Variants in PRL observed in about 807,000 individuals in gnomAD.
The protein encoded by PRL is prolactin.
PRL carries 24 observed loss-of-function variants against 21.3 expected under a neutral mutation model. The ratio of observed to expected loss-of-function variants is 1.13; its 90% confidence interval spans 0.82 to 1.59. PRL has a LOEUF of 1.59. Ranked by LOEUF, PRL falls within the 40% of genes most tolerant of loss-of-function variation. PRL has a pLI of 0.00. For missense variants in PRL, 243 were observed against 286.9 expected, an observed-to-expected ratio of 0.85 and a Z score of 1.10; for synonymous variants, 118 against 115.7, an observed-to-expected ratio of 1.02 and a Z score of -0.13.
chr6:22,301,306 A>C (rs941296365), upstream of PRL, among the ~76,000 whole-genome samples: 2 of 152,178 alleles, frequency 1.3e-5, no homozygotes, highest in African/African-American at 4.8e-5. Context: ...GATAATTTTA[A>C]ATTTTATAAT....
At position 22,292,587 on chromosome 6, in the gene PRL, G is replaced by T; in HGVS notation, c.263C>A (p.Thr88Asn). 1 of 1,614,132 alleles carries T rather than the reference G, an allele frequency of 6.2e-7. No individual in the cohort carries two copies. Among genetic ancestry groups the T allele is most frequent in the Non-Finnish European group, 8.5e-7 (1 of 1,180,022 alleles). Residue 88 changes from threonine (T) to asparagine (N), a missense_variant, in exon 3 of 5, where the codon ACT becomes AAT. Physicochemically the swap from Thr to Asn is moderately conservative, Grantham distance 65. Transcript: ENST00000306482. ...FITKAINSCHTSSLATPEDKE... is the reference protein window; with the variant it reads ...FITKAINSCHNSSLATPEDKE... ...GTCTTCGGGGGTGGCAAGGGAAGAAGTGTGGCAGCTGTTGATGGCCTTGGT... is the reference window on the plus strand; with the variant it reads ...GTCTTCGGGGGTGGCAAGGGAAGAATTGTGGCAGCTGTTGATGGCCTTGGT...
rs1406368936 is a variant in PRL at position 22,288,168 on chromosome 6, C to T, written c.493-575G>A. The stretch of plus-strand genomic sequence containing the variant: ...TACATAGTCAGGAGATTTTCATTTC[C>T]TCAAATTTCTAGGGGAAACAATTGC... On this transcript the variant is annotated intron_variant, in intron 4 of 4. Transcript: ENST00000306482. This position sits in a 1 kb window ranked among gnomAD's most constrained non-coding sequence, Gnocchi z 4.5. Among the ~76,000 whole-genome samples the T allele has an allele frequency of 1.3e-5, 2 of 152,088 alleles. No homozygotes were observed. Among genetic ancestry groups the T allele is most frequent in the Non-Finnish European group, 2.9e-5 (2 of 68,022 alleles).
chr6:22,293,634 G>A lies in PRL; in HGVS notation c.204+775C>T, dbSNP rs1209421162. Reference sequence around the variant, plus strand: ...AGGGAGGAGGGAAGGAGGGAAGGAAGGAAGGAAGGAAGGAAGGAAGGAAGG... The same window carrying A: ...AGGGAGGAGGGAAGGAGGGAAGGAAAGAAGGAAGGAAGGAAGGAAGGAAGG... On this transcript the variant is annotated intron_variant, in intron 2 of 4. Transcript: ENST00000306482. Among the ~76,000 whole-genome samples, 53 of 46,834 alleles carry A rather than the reference G, an allele frequency of 1.1e-3. 1 individual carries two copies. The East Asian group carries it at 0.022, about 19-fold the overall frequency. The allele number at this position is 46,834 out of a possible 152,430, so 30.7% of individuals were successfully genotyped here.
chr6:22,293,687 AAAG>A (rs1561755534), intron 2 of PRL, among the ~76,000 whole-genome samples: 1 of 95,846 alleles, frequency 1.0e-5, no homozygotes, highest in Non-Finnish European at 2.2e-5. Context: ...AGGAAGGAAA[AAAG>A]GAAGGAAGGA....
chr6:22,297,366 T>C (rs41271761), upstream of PRL: 9,766 of 211,824 alleles, frequency 0.046, 615 homozygotes, highest in East Asian at 0.27. Context: ...TCTCTAAAGT[T>C]TGTTGAATAT....
upstream of PRL, among the ~76,000 whole-genome samples, chr6:22,298,904 C>T (rs1761231207): frequency 6.6e-6 from 1 of 152,138 alleles, no homozygotes; most frequent in African/African-American, 2.4e-5. Flanking sequence ...CTAAGAAAAC[C>T]TAAGCTGTGT....
chr6:22,294,414 C>G lies in PRL; in HGVS notation c.199G>C (p.Glu67Gln), dbSNP rs200233127. 5 of 1,614,060 alleles carry G rather than the reference C, an allele frequency of 3.1e-6. No homozygotes were observed. In the South Asian group the frequency reaches 5.5e-5, roughly 18 times the overall value. The change falls in exon 2 of 5, where the codon GAA becomes CAA. Residue 67 changes from glutamate (E) to glutamine (Q), a missense_variant. Glu to Gln is a conservative substitution (Grantham distance 29). Transcript: ENST00000306482. ...IHNLSSEMFS[E>Q]FDKRYTHGRG... ...GCCAGAAGCATGGTACTTACGAATT[C>G]GCTGAACATTTCTGAGGAGAGGTTA...
chr6:22,300,161 T>C (rs1761257097), upstream of PRL, among the ~76,000 whole-genome samples: 1 of 152,174 alleles, frequency 6.6e-6, no homozygotes, highest in South Asian at 2.1e-4. Context: ...CAATAGTGGT[T>C]TTTTTTGAAT....
chr6:22,292,121 C>G (rs1761063576), intron 3 of PRL, among the ~76,000 whole-genome samples: 1 of 152,054 alleles, frequency 6.6e-6, no homozygotes, highest in Admixed American at 6.5e-5. Flanking sequence ...TCCAATAGTG[C>G]AGGGGTCAGT....
At chr6:22,293,131 A>C (rs1011594179) in intron 2 of PRL, among the ~76,000 whole-genome samples, 4 of 152,212 alleles carry the variant, frequency 2.6e-5, no homozygotes, top group Admixed American at 2.6e-4. Context: ...TTCTCTAAAA[A>C]GTTTCTCTGA....
In PRL at chr6:22,290,191, C is replaced by A. The variant is rs2113501830; in HGVS notation, c.475G>T (p.Glu159Ter). 1 of 1,596,038 alleles carries A rather than the reference C, an allele frequency of 6.3e-7. No individual in the cohort carries two copies. Among genetic ancestry groups the A allele is most frequent in the Non-Finnish European group, 8.6e-7 (1 of 1,167,172 alleles). The change falls in exon 4 of 5, where the codon GAG becomes TAG. Residue 159 changes from glutamate to a stop codon, truncating the protein, a stop_gained. Coordinates refer to ENST00000306482, the MANE Select transcript of PRL (RefSeq NM_000948.6). LOFTEE classifies it low-confidence loss of function (END_TRUNC). ...EQTKRLLEGM[E>*]LIVSQVHPET... ...CTGCTCACCTGGCTGACTATCAGCT[C>A]CATGCCCTCTAGAAGCCGTTTGGTT...
upstream of PRL, among the ~76,000 whole-genome samples, chr6:22,297,893 A>C (rs1432438630): frequency 6.6e-6 from 1 of 152,216 alleles, no homozygotes; most frequent in Middle Eastern, 3.2e-3. Flanking sequence ...AGTTGAGTTA[A>C]ATGAAGGAAC....
rs866551810 is a variant in PRL, at chr6:22,294,603, G to A, written c.29-19C>T. 2.0e-6 allele frequency: 3 copies of A among 1,533,300 alleles called. No individual in the cohort carries two copies. Among genetic ancestry groups the A allele is most frequent in the Middle Eastern group, 4.5e-4 (2 of 4,438 alleles). The allele number at this position is 1,533,300 out of a possible 1,614,324, so 95.0% of individuals were successfully genotyped here. A position where few individuals can be genotyped will look rare whatever the true frequency, so the allele number is the denominator to read the frequency against. ...AGGGACCCTGCTTAAATAAGAACGCGAGCCACTCTGAGATGATTTATTCCA... is the reference window on the plus strand; with the variant it reads ...AGGGACCCTGCTTAAATAAGAACGCAAGCCACTCTGAGATGATTTATTCCA... On this transcript the variant is annotated intron_variant, in intron 1 of 4. Coordinates refer to ENST00000306482, the MANE Select transcript of PRL (RefSeq NM_000948.6).
intron 2 of PRL, 88 bp downstream of exon 2, chr6:22,294,321 C>T: frequency 4.7e-6 from 7 of 1,485,438 alleles, no homozygotes; most frequent in Admixed American, 1.7e-5. Context: ...AAATTTGGCT[C>T]GGGAGGTTTT....
In PRL at chr6:22,294,407, A is replaced by C. The variant is rs757782597; in HGVS notation, c.204+2T>G. The C allele has an allele frequency of 1.9e-6, 3 of 1,613,894 alleles. No homozygotes were observed. The highest frequency in any genetic ancestry group is 2.5e-6 in the Non-Finnish European group (3 of 1,179,898). ...GGAGGAAGCCAGAAGCATGGTACTT[A>C]CGAATTCGCTGAACATTTCTGAGGA... On this transcript the variant is annotated splice_donor_variant, in intron 2 of 4. Transcript: ENST00000306482. LOFTEE classifies it high-confidence loss of function.
rs1279915508 is a variant in PRL at position 22,288,881 on chromosome 6, TGCGCGTGTGTGTGCGTGTGTGCGC to T, written c.492+1269_493-1289del. 6.6e-6 allele frequency among the ~76,000 whole-genome samples: 1 copy of T among 151,886 alleles called. No homozygotes were observed. The highest frequency in any genetic ancestry group is 1.5e-5 in the Non-Finnish European group (1 of 67,978). ...TAAAGTGTGTGTGTGTGTATGCGCG[TGCGCGTGTGTGTGCGTGTGTGCGC>T]GCGCGTGTGTGTGCGTGCGCGTGTG... On this transcript the variant is annotated intron_variant, in intron 4 of 4. Transcript: ENST00000306482. The surrounding 1 kb of genome is among the most constrained non-coding windows in gnomAD (Gnocchi z 4.5).
chr6:22,302,833 C>A (rs191406908), upstream of PRL, among the ~76,000 whole-genome samples: 5 of 152,184 alleles, frequency 3.3e-5, no homozygotes, highest in Middle Eastern at 3.4e-3. Flanking sequence ...GTTCTTATGA[C>A]CTACTTTATA....
At chr6:22,302,573 G>A (rs1459243972) in intron 1 of PRL, among the ~76,000 whole-genome samples, 3 of 152,020 alleles carry the variant, frequency 2.0e-5, no homozygotes, top group South Asian at 2.1e-4. Flanking sequence ...AAAGAAAAAC[G>A]TACAGATTTA....
chr6:22,300,053 T>G (rs567947518), upstream of PRL, among the ~76,000 whole-genome samples: 3 of 152,326 alleles, frequency 2.0e-5, no homozygotes, highest in South Asian at 6.2e-4. Context: ...TGAAAAATTC[T>G]GAATAGTCGT....
Sources: gnomAD v4.1 joint callset for allele counts (sites outside exome capture counted in the v4.1 genomes callset) on GRCh38, gnomAD v4.1.1 for gene constraint, Gnocchi (gnomAD v3.1) non-coding constraint, MANE v1.5 for transcripts, NCBI Gene and HGNC (gene_info 2026-07-23, HGNC 2026-07-21) for gene names.